Variants in PCSK5 observed in about 807,000 individuals in gnomAD.
PCSK5 encodes the protein prohormone convertase 5.
PCSK5 carries 129 observed loss-of-function variants against 233.2 expected under a neutral mutation model. That is an observed-to-expected ratio of 0.55 (90% CI 0.48 to 0.64). The LOEUF (loss-of-function observed/expected upper bound fraction) is 0.64, where lower values mean the gene tolerates loss of function less well. Among genes scored for constraint, PCSK5 ranks in the 30% least tolerant of loss-of-function variants. The pLI is 0.00. For missense variants in PCSK5, 2,076 were observed against 2,430.1 expected, an observed-to-expected ratio of 0.85 and a Z score of 3.06; for synonymous variants, 825 against 879.2, an observed-to-expected ratio of 0.94 and a Z score of 1.09.
intron 3 of PCSK5, among the ~76,000 whole-genome samples, chr9:76,011,813 C>G (rs1249375663): frequency 6.6e-6 from 1 of 152,168 alleles, no homozygotes. Flanking sequence ...ATAAAAGCCT[C>G]TTTCCAAAAT....
At position 75,922,848 on chromosome 9, in the gene PCSK5, C is replaced by T. The variant is rs1359948624; in HGVS notation, c.193-9531C>T. Among the ~76,000 whole-genome samples, 3 of 152,156 alleles carry T rather than the reference C, an allele frequency of 2.0e-5. No individual in the cohort carries two copies. In the South Asian group the frequency reaches 6.2e-4, roughly 32 times the overall value. On this transcript the variant is annotated intron_variant, in intron 1 of 37. Coordinates refer to ENST00000674117, the MANE Select transcript of PCSK5 (RefSeq NM_001372043.1). ...CTGGTGCTTATTCAACTTGCTGTGT[C>T]TTAAGTTTCCTTGGTGAAAGTGTTG...
At chr9:76,260,535 T>G (rs1231098404) in intron 24 of PCSK5, among the ~76,000 whole-genome samples, 1 of 152,074 alleles carries the variant, frequency 6.6e-6, no homozygotes, top group African/African-American at 2.4e-5. Context: ...AGCCAAAAAA[T>G]GCAGGTGGCA....
intron 27 of PCSK5, among the ~76,000 whole-genome samples, chr9:76,297,287 AG>A (rs1386887626): frequency 1.3e-5 from 2 of 152,218 alleles, no homozygotes; most frequent in African/African-American, 4.8e-5. Flanking sequence ...CCTGTAGGGT[AG>A]GCTTTTCCAA....
rs536821837 is a variant in PCSK5, at chr9:76,205,002, G to A, written c.2626+15256G>A. Among the ~76,000 whole-genome samples, 35 of 152,246 alleles carry A rather than the reference G, an allele frequency of 2.3e-4. No individual in the cohort carries two copies. In the South Asian group the frequency reaches 7.1e-3, roughly 31 times the overall value. On this transcript the variant is annotated intron_variant, in intron 20 of 37. Transcript: ENST00000674117. Reference sequence around the variant, plus strand: ...GGAGGAGAAATCAGAAATTGGTTCAGCAAAGGGGTCATCTCAAAATATGCT... The same window carrying A: ...GGAGGAGAAATCAGAAATTGGTTCAACAAAGGGGTCATCTCAAAATATGCT...
chr9:76,019,693 C>T (rs1828099196), intron 3 of PCSK5, among the ~76,000 whole-genome samples: 1 of 152,044 alleles, frequency 6.6e-6, no homozygotes, highest in Admixed American at 6.6e-5. Context: ...TTTATGAAGA[C>T]CCAAGAGAAG....
Position 76,266,770 on chromosome 9 carries a change from TC to T in PCSK5, c.3143-25461del, listed in dbSNP as rs574757783. 2.0e-4 allele frequency among the ~76,000 whole-genome samples: 30 copies of T among 152,308 alleles called. No homozygotes were observed. In the East Asian group the frequency reaches 5.8e-3, roughly 29 times the overall value. On this transcript the variant is annotated intron_variant, in intron 24 of 37. Transcript: ENST00000674117. ...ACTGGAAGTGATGTATCAATGGCTT[TC>T]CTACCAGCCAGTTGCTTCTCTGGAA...
intron 2 of PCSK5, among the ~76,000 whole-genome samples, chr9:75,946,371 C>CT (rs1824569509): frequency 6.6e-6 from 1 of 152,136 alleles, no homozygotes; most frequent in South Asian, 2.1e-4. Flanking sequence ...CTCAGAGTGG[C>CT]TATTAGCATG....
upstream of PCSK5, among the ~76,000 whole-genome samples, chr9:75,889,855 A>G (rs989020229): frequency 6.6e-6 from 1 of 152,136 alleles, no homozygotes; most frequent in Non-Finnish European, 1.5e-5. Context: ...TCTCATCTGA[A>G]CTTCCTCTGT....
chr9:76,182,776 A>T (rs767415679), intron 16 of PCSK5, among the ~76,000 whole-genome samples: 53 of 152,292 alleles, frequency 3.5e-4, no homozygotes, highest in South Asian at 1.2e-3. Context: ...ACCTCATACC[A>T]TGGTATATGA....
chr9:76,030,235 A>G (rs1483342327), intron 5 of PCSK5, among the ~76,000 whole-genome samples: 2 of 152,024 alleles, frequency 1.3e-5, no homozygotes, highest in African/African-American at 2.4e-5. Flanking sequence ...CTGGATATTC[A>G]TAAACATTTT....
chr9:76,239,710 A>G (rs1190524694), intron 23 of PCSK5, among the ~76,000 whole-genome samples: 4 of 147,816 alleles, frequency 2.7e-5, no homozygotes, highest in Admixed American at 1.4e-4. Context: ...AAAAAAAAAA[A>G]GAAAAAAAAG....
chr9:75,942,930 G>A (rs573761643), intron 2 of PCSK5, among the ~76,000 whole-genome samples: 2 of 127,172 alleles, frequency 1.6e-5, no homozygotes, highest in East Asian at 4.8e-4. Context: ...TGTCACCCAC[G>A]CTGGAGAGCA....
intron 2 of PCSK5, among the ~76,000 whole-genome samples, chr9:75,944,988 A>C (rs1286009391): frequency 6.6e-6 from 1 of 151,966 alleles, no homozygotes; most frequent in Non-Finnish European, 1.5e-5. Context: ...GCATGCCTGT[A>C]ATCCCAACTA....
At chr9:76,042,141 T>C (rs923772677) in intron 5 of PCSK5, among the ~76,000 whole-genome samples, 18 of 152,320 alleles carry the variant, frequency 1.2e-4, no homozygotes, top group Non-Finnish European at 2.1e-4. Flanking sequence ...GGCAAGATCA[T>C]TGCCCCCTTT....
intron 10 of PCSK5, among the ~76,000 whole-genome samples, chr9:76,142,702 T>C (rs1211577518): frequency 6.6e-6 from 1 of 152,206 alleles, no homozygotes; most frequent in African/African-American, 2.4e-5. Flanking sequence ...GAGATACAGA[T>C]GTAGATGTAT....
chr9:75,930,051 C>G (rs193114612), intron 1 of PCSK5, among the ~76,000 whole-genome samples: 13 of 152,024 alleles, frequency 8.6e-5, no homozygotes, highest in African/African-American at 3.1e-4. Context: ...TTAGTAGAGA[C>G]GGGGTTTCAC....
At chr9:76,321,382 A>G (rs1829196814) in intron 30 of PCSK5, 40 bp from the exon 31 acceptor site, 1 of 1,062,226 alleles carries the variant, frequency 9.4e-7, no homozygotes. Flanking sequence ...CTTCTCCAGC[A>G]GGTCAGCTTC....
Position 76,169,794 on chromosome 9 carries a change from T to G in PCSK5, c.1710T>G (p.Leu570=). The change falls in exon 13 of 38, where the codon CTT becomes CTG. Residue 570 remains leucine, a synonymous_variant. Transcript: ENST00000674117. ...AAAGAGCTGCTGGTGACTGGGTCCTTGAAGTTTATGATACTCCCTCTCAGC... is the reference window on the plus strand; with the variant it reads ...AAAGAGCTGCTGGTGACTGGGTCCTGGAAGTTTATGATACTCCCTCTCAGC... ...WGERAAGDWV[L]EVYDTPSQLR... The G allele has an allele frequency of 6.2e-7, 1 of 1,613,730 alleles. No homozygotes were observed. The highest frequency in any genetic ancestry group is 8.5e-7 in the Non-Finnish European group (1 of 1,179,692).
chr9:75,972,395 G>GT (rs765689844), intron 2 of PCSK5, among the ~76,000 whole-genome samples: 1 of 152,170 alleles, frequency 6.6e-6, no homozygotes, highest in Non-Finnish European at 1.5e-5. Context: ...TTTTAAAGAA[G>GT]TTTTTTCTAA....
Sources: gnomAD v4.1 joint callset for allele counts (sites outside exome capture counted in the v4.1 genomes callset) on GRCh38, gnomAD v4.1.1 for gene constraint, MANE v1.5 for transcripts, NCBI Gene and HGNC (gene_info 2026-07-23, HGNC 2026-07-21) for gene names.